Variants in MDN1 observed in about 807,000 individuals in gnomAD.
The protein encoded by MDN1 is midasin AAA ATPase 1.
MDN1 carries 266 observed loss-of-function variants against 669.2 expected under a neutral mutation model. The ratio of observed to expected loss-of-function variants is 0.40; its 90% CI spans 0.36 to 0.44. The LOEUF is 0.44. MDN1 is among the 20% of genes least tolerant of loss of function. The pLI is 1.00. For missense variants in MDN1, 5,940 were observed against 6,754.0 expected (o/e 0.88, Z 4.22); for synonymous variants, 2,385 against 2,457.1 (o/e 0.97, Z 0.87).
At position 89,715,781 on chromosome 6, in the gene MDN1, GA is replaced by G; in HGVS notation, c.6744-13del. 1 of 1,538,012 alleles carries G rather than the reference GA, an allele frequency of 6.5e-7. No individual in the cohort carries two copies. The highest frequency in any genetic ancestry group is 9.0e-7 in the Non-Finnish European group (1 of 1,110,828). ...CCAACACTGATGGGCTGCAGAGACA[GA>G]ATTCAGATGGTGGATAGGCTGACAT... On this transcript the variant is annotated splice_polypyrimidine_tract_variant and intron_variant, in intron 44 of 101. Transcript: ENST00000369393.
chr6:89,726,173 C>G (rs575590506), intron 37 of MDN1, among the ~76,000 whole-genome samples: 1 of 152,080 alleles, frequency 6.6e-6, no homozygotes, highest in East Asian at 1.9e-4. Flanking sequence ...ATGTGTAACA[C>G]AAATTAGCCA....
At chr6:89,721,124 T>C (rs1814786521) in intron 40 of MDN1, among the ~76,000 whole-genome samples, 2 of 152,124 alleles carry the variant, frequency 1.3e-5, no homozygotes, top group African/African-American at 4.8e-5. Flanking sequence ...GGCAACAAAG[T>C]CAGACCCTGC....
rs139603225 is a variant in MDN1, at chr6:89,749,540, T to C, written c.3615+3A>G. On this transcript the variant is annotated splice_donor_region_variant and intron_variant, in intron 25 of 101. Transcript: ENST00000369393. ...TTGAAGGAAGGAGACAAATGCTACA[T>C]ACCTTTCTGCCTCCATAAAGTCCTG... is the stretch of plus-strand genomic sequence containing the variant. The C allele has an allele frequency of 4.9e-4, 792 of 1,613,942 alleles. 2 individuals carry two copies. In the African/African-American group the frequency reaches 9.2e-3, roughly 19 times the overall value.
chr6:89,729,123 C>T lies in MDN1; in HGVS notation c.5157G>A (p.Arg1719=). 6.2e-7 allele frequency: 1 copy of T among 1,613,036 alleles called. No homozygotes were observed. The highest frequency in any genetic ancestry group is 8.5e-7 in the Non-Finnish European group (1 of 1,179,898). The part of the protein sequence containing the change: ...FFIPRGPVLH[R]NNIADYALSA... The stretch of plus-strand genomic sequence containing the variant: ...TGAGTGCATAGTCTGCAATATTATT[C>T]CTGTGTAGGACAGGTCCTTAAGTGG... The change falls in exon 36 of 102, where the codon AGG becomes AGA. Residue 1719 remains arginine, a synonymous_variant. Coordinates refer to ENST00000369393, the MANE Select transcript of MDN1 (RefSeq NM_014611.3).
intron 2 of MDN1, 101 bp from the exon 3 acceptor site, chr6:89,794,902 C>A: frequency 1.1e-6 from 1 of 939,460 alleles, no homozygotes; most frequent in Non-Finnish European, 1.6e-6. Flanking sequence ...GCATTTTCAA[C>A]TTAAGCTATT....
At chr6:89,749,124 G>A (rs1816823169) in intron 26 of MDN1, 99 bp downstream of exon 26, 2 of 1,172,022 alleles carry the variant, frequency 1.7e-6, no homozygotes, top group Admixed American at 2.8e-5. Flanking sequence ...TCTCTACTTG[G>A]AAAAATACAT....
At position 89,688,096 on chromosome 6, in the gene MDN1, G is replaced by T. The variant is rs1812142589; in HGVS notation, c.11337C>A (p.Ile3779=). 6.2e-7 allele frequency: 1 copy of T among 1,613,876 alleles called. No homozygotes were observed. The highest frequency in any genetic ancestry group is 1.3e-5 in the African/African-American group (1 of 74,922). Residue 3779 remains isoleucine, a synonymous_variant, in exon 67 of 102, where the codon ATC becomes ATA. Coordinates refer to ENST00000369393, the MANE Select transcript of MDN1 (RefSeq NM_014611.3). ...PISKFLNGLE[I]LLAKAQDWEE... ...AGCTCACCTGTGCCTTTGCCAGAAG[G>T]ATCTCTAAGCCATTCAGGAACTTTG...
At chr6:89,717,206 T>G (rs995249698) in intron 43 of MDN1, among the ~76,000 whole-genome samples, 2 of 152,270 alleles carry the variant, frequency 1.3e-5, no homozygotes, top group East Asian at 3.8e-4. Context: ...TATAGTAATA[T>G]AGTAATAACT....
chr6:89,712,118 G>T lies in MDN1; in HGVS notation c.7569C>A (p.Leu2523=), dbSNP rs767483602. 4 of 1,614,122 alleles carry T rather than the reference G, an allele frequency of 2.5e-6. No individual in the cohort carries two copies. Among genetic ancestry groups the T allele is most frequent in the Non-Finnish European group, 3.4e-6 (4 of 1,179,986 alleles). ...AATCCTGATTGGTTGCTCTTTCTATGAGCAATTTAACAGCCATGACCAAAA... is the reference window on the plus strand; with the variant it reads ...AATCCTGATTGGTTGCTCTTTCTATTAGCAATTTAACAGCCATGACCAAAA... ...PDVLVMAVKL[L]IERATNQDWM... The change falls in exon 49 of 102, where the codon CTC becomes CTA. Residue 2523 remains leucine, a synonymous_variant. Coordinates refer to ENST00000369393, the MANE Select transcript of MDN1 (RefSeq NM_014611.3).
chr6:89,780,386 G>A, intron 10 of MDN1, 93 bp from the exon 11 acceptor site: 1 of 636,166 alleles, frequency 1.6e-6, no homozygotes, highest in Non-Finnish European at 2.5e-6. Context: ...CTTAAGTCTG[G>A]GCATACCTGA....
chr6:89,793,494 C>T (rs1045441898), intron 5 of MDN1, among the ~76,000 whole-genome samples: 3 of 152,202 alleles, frequency 2.0e-5, no homozygotes, highest in Admixed American at 6.5e-5. Context: ...GGCATGATCC[C>T]TTGAGTCCAG....
At chr6:89,697,442 T>C (rs1369278042) in intron 59 of MDN1, among the ~76,000 whole-genome samples, 1 of 152,126 alleles carries the variant, frequency 6.6e-6, no homozygotes, top group Non-Finnish European at 1.5e-5. Context: ...GGAAAAAAAT[T>C]ATAAAACTTG....
chr6:89,682,306 A>AATTATTTCTCACAGGCTGAC (rs1458768995), intron 73 of MDN1, among the ~76,000 whole-genome samples: 1 of 152,230 alleles, frequency 6.6e-6, no homozygotes, highest in Non-Finnish European at 1.5e-5. Context: ...GTAAAAGCAC[A>AATTATTTCTCACAGGCTGAC]ATTATTTCTC....
intron 8 of MDN1, among the ~76,000 whole-genome samples, chr6:89,787,485 C>T (rs1042792112): frequency 1.3e-5 from 2 of 152,138 alleles, no homozygotes; most frequent in Non-Finnish European, 2.9e-5. Flanking sequence ...TTTACAGCCA[C>T]CATTTGAAGA....
chr6:89,721,878 C>T (rs1400648298), intron 40 of MDN1, among the ~76,000 whole-genome samples: 4 of 152,162 alleles, frequency 2.6e-5, no homozygotes, highest in Non-Finnish European at 5.9e-5. Flanking sequence ...TGCTATGGGC[C>T]AGCCACATGT....
chr6:89,759,993 A>T (rs74509643), intron 17 of MDN1, among the ~76,000 whole-genome samples: 1 of 151,836 alleles, frequency 6.6e-6, no homozygotes, highest in African/African-American at 2.4e-5. Flanking sequence ...AATTGCTTCA[A>T]CCCAGGAGGC....
In MDN1 at chr6:89,685,047, T is replaced by C. The variant is rs1192985062; in HGVS notation, c.11720-62A>G. The C allele has an allele frequency of 5.3e-6, 6 of 1,124,164 alleles. No homozygotes were observed. The Middle Eastern group carries it at 6.0e-4, about 113-fold the overall frequency. The allele number at this position is 1,124,164 out of a possible 1,614,324, so 69.6% of individuals were successfully genotyped here. A position where few individuals can be genotyped will look rare whatever the true frequency, so the allele number is the denominator to read the frequency against. ...TGCTGCATGTGCTACTGGTGCCAGC[T>C]GTGGCCTTCATATTTCAGTGATGAC... On this transcript the variant is annotated intron_variant, in intron 70 of 101. Coordinates refer to ENST00000369393, the MANE Select transcript of MDN1 (RefSeq NM_014611.3).
Position 89,650,099 on chromosome 6 carries a change from C to G in MDN1, c.16131G>C (p.Lys5377Asn). The change falls in exon 97 of 102, where the codon AAG (lysine) becomes AAC (asparagine). Residue 5377 changes from lysine to asparagine, a missense_variant. By Grantham distance (94) the Lys-to-Asn change is moderately conservative. Coordinates refer to ENST00000369393, the MANE Select transcript of MDN1 (RefSeq NM_014611.3). ...RKDKIWLRRT[K>N]PSKRQYQICL... ...AAATCTGATACTGGCGTTTACTGGG[C>G]TTGGTCCTTCGAAGCCAAATCTTGT... 1.2e-6 allele frequency: 2 copies of G among 1,614,132 alleles called. No homozygotes were observed. The highest frequency in any genetic ancestry group is 1.1e-5 in the South Asian group (1 of 91,086).
At chr6:89,797,244 C>T (rs1273476398) in intron 2 of MDN1, among the ~76,000 whole-genome samples, 1 of 151,924 alleles carries the variant, frequency 6.6e-6, no homozygotes, top group Non-Finnish European at 1.5e-5. Flanking sequence ...GTGGCACACG[C>T]CTGTAGTCCC....
Sources: allele counts gnomAD v4.1 joint callset (sites outside exome capture counted in the v4.1 genomes callset), GRCh38; gene constraint gnomAD v4.1.1; transcripts MANE v1.5; gene names NCBI Gene and HGNC (gene_info 2026-07-23, HGNC 2026-07-21).